Variants in NGLY1 observed in about 807,000 individuals in gnomAD.
NGLY1 encodes peptide-N(4)-(N-acetyl-beta-glucosaminyl)asparagine amidase.
NGLY1 carries 68 observed loss-of-function variants against 84.6 expected under a neutral mutation model. The ratio of observed to expected loss-of-function variants is 0.80; its 90% CI spans 0.66 to 0.98. The LOEUF (loss-of-function observed/expected upper bound fraction) is 0.98, where lower values mean the gene tolerates loss of function less well. NGLY1 is among the 50% of genes least tolerant of loss of function. The probability of loss-of-function intolerance (pLI) is 0.00; values close to 1 mark genes in which losing one functional copy is unlikely to be tolerated. For synonymous variants in NGLY1, 280 were observed against 275.2 expected (o/e 1.02, Z -0.17); for missense variants, 779 against 770.2 (o/e 1.01, Z -0.14).
chr3:25,721,702 C>G (rs1335748671), intron 10 of NGLY1, among the ~76,000 whole-genome samples: 4 of 125,370 alleles, frequency 3.2e-5, no homozygotes, highest in Non-Finnish European at 4.7e-5. Flanking sequence ...TGAGCCGAGA[C>G]TGCGCCATTG....
chr3:25,764,131 T>C lies in NGLY1; in HGVS notation c.427A>G (p.Ser143Gly). The C allele has an allele frequency of 1.2e-6, 2 of 1,614,188 alleles. No individual in the cohort carries two copies. Among genetic ancestry groups the C allele is most frequent in the Non-Finnish European group, 1.7e-6 (2 of 1,180,024 alleles). The part of the protein sequence containing the change: ...QLPTTPSSNP[S>G]GLNQHTRNRQ... ...TTCCTTGTGTGCTGGTTTAACCCAC[T>C]GGGATTTGAAGATGGTGTTGTAGGA... Residue 143 changes from serine to glycine, a missense_variant, in exon 3 of 12, where the codon AGT becomes GGT. Physicochemically the swap from Ser to Gly is moderately conservative, Grantham distance 56. Transcript: ENST00000280700.
intron 3 of NGLY1, among the ~76,000 whole-genome samples, chr3:25,752,605 C>G (rs1182595479): frequency 6.7e-6 from 1 of 150,312 alleles, no homozygotes; most frequent in African/African-American, 2.5e-5. Context: ...GTAGGGAGTT[C>G]TAGGCCAACC....
chr3:25,729,494 A>G (rs545333444), intron 9 of NGLY1, 176 bp from the exon 10 acceptor site: 82 of 373,164 alleles, frequency 2.2e-4, no homozygotes, highest in African/African-American at 1.4e-3. Flanking sequence ...TGATGTTATT[A>G]TAACTCTAAA....
At chr3:25,749,099 C>T (rs6789850) in intron 4 of NGLY1, among the ~76,000 whole-genome samples, 110,955 of 152,048 alleles carry the variant, frequency 0.73, 42,675 homozygotes, top group East Asian at 0.94. Flanking sequence ...AAATAATAAG[C>T]GTTGGTAAAA....
upstream of NGLY1, among the ~76,000 whole-genome samples, chr3:25,785,177 C>G (rs1023121888): frequency 6.8e-6 from 1 of 146,476 alleles, no homozygotes; most frequent in African/African-American, 2.5e-5. Context: ...CTACTTTTAA[C>G]CACATGAGCC....
intron 3 of NGLY1, among the ~76,000 whole-genome samples, chr3:25,760,856 G>T (rs1707287567): frequency 2.2e-5 from 1 of 45,834 alleles, no homozygotes; most frequent in East Asian, 8.0e-4. Flanking sequence ...GTGAAACTCT[G>T]TCTCAAAAAA....
upstream of NGLY1, among the ~76,000 whole-genome samples, chr3:25,784,988 T>A (rs1559564799): frequency 6.6e-6 from 1 of 152,072 alleles, no homozygotes. Context: ...GGCCACATAG[T>A]GTTTTAGGCT....
intron 3 of NGLY1, among the ~76,000 whole-genome samples, chr3:25,759,343 C>G (rs185461844): frequency 6.6e-6 from 1 of 151,760 alleles, no homozygotes; most frequent in Non-Finnish European, 1.5e-5. Context: ...AGAAATGTCT[C>G]CATTTTTATT....
chr3:25,743,461 G>A (rs1417196024), intron 4 of NGLY1, among the ~76,000 whole-genome samples: 1 of 152,036 alleles, frequency 6.6e-6, no homozygotes, highest in Non-Finnish European at 1.5e-5. Flanking sequence ...TACCTAAAAG[G>A]GAAATCATTG....
At chr3:25,745,522 T>C (rs1354059765) in intron 4 of NGLY1, among the ~76,000 whole-genome samples, 2 of 152,228 alleles carry the variant, frequency 1.3e-5, no homozygotes, top group Non-Finnish European at 2.9e-5. Context: ...ACTCCTTTAA[T>C]TTCCTAGTTG....
At chr3:25,763,969 G>A in intron 3 of NGLY1, 97 bp downstream of exon 3, 1 of 1,442,866 alleles carries the variant, frequency 6.9e-7, no homozygotes, top group Non-Finnish European at 9.4e-7. Flanking sequence ...CAAAATATGG[G>A]GCATAAATTC....
rs552847794 is a variant in NGLY1 at position 25,729,420 on chromosome 3, A to G, written c.1426-102T>C. The stretch of plus-strand genomic sequence containing the variant: ...GTGGTAAGAGAATCCTTCAAAATTG[A>G]AAAGAAAAAATTAGTGCCATTGGAA... On this transcript the variant is annotated intron_variant, in intron 9 of 11. Coordinates refer to ENST00000280700, the MANE Select transcript of NGLY1 (RefSeq NM_018297.4). 15 of 681,104 alleles carry G rather than the reference A, an allele frequency of 2.2e-5. No homozygotes were observed. The South Asian group carries it at 7.8e-4, about 35-fold the overall frequency. The allele number at this position is 681,104 out of a possible 1,614,324, so 42.2% of individuals were successfully genotyped here. A position where few individuals can be genotyped will look rare whatever the true frequency, so the allele number is the denominator to read the frequency against.
chr3:25,742,304 G>C (rs945186283), intron 4 of NGLY1, among the ~76,000 whole-genome samples: 1 of 152,132 alleles, frequency 6.6e-6, no homozygotes, highest in Admixed American at 6.6e-5. Flanking sequence ...AGAGAAAATG[G>C]AAACAACCTC....
chr3:25,755,908 T>G (rs1017122687), intron 3 of NGLY1, among the ~76,000 whole-genome samples: 7 of 152,230 alleles, frequency 4.6e-5, no homozygotes, highest in Admixed American at 2.6e-4. Flanking sequence ...AGTCCTTATA[T>G]GGCAATTCTG....
chr3:25,779,148 G>T (rs900516765), intron 1 of NGLY1, among the ~76,000 whole-genome samples: 3 of 151,822 alleles, frequency 2.0e-5, no homozygotes, highest in Non-Finnish European at 2.9e-5. Flanking sequence ...TGTCGACCAG[G>T]CTGGTCTCGA....
At position 25,722,814 on chromosome 3, in the gene NGLY1, A is replaced by G. The variant is rs562901033; in HGVS notation, c.1612-2623T>C. 2.0e-5 allele frequency among the ~76,000 whole-genome samples: 3 copies of G among 152,294 alleles called. No homozygotes were observed. In the South Asian group the frequency reaches 6.2e-4, roughly 32 times the overall value. The stretch of plus-strand genomic sequence containing the variant: ...CCACCAGTGTTCCCCGGGAGTCATT[A>G]GTTTCACCCATCCTAAACTATTAGG... On this transcript the variant is annotated intron_variant, in intron 10 of 11. Coordinates refer to ENST00000280700, the MANE Select transcript of NGLY1 (RefSeq NM_018297.4).
chr3:25,751,471 T>C (rs1575635477), intron 3 of NGLY1, among the ~76,000 whole-genome samples: 1 of 152,342 alleles, frequency 6.6e-6, no homozygotes, highest in East Asian at 1.9e-4. Flanking sequence ...TCTATTTTTT[T>C]CCTTTTGTAT....
In NGLY1 at chr3:25,755,268, C is replaced by A. The variant is rs1271380233; in HGVS notation, c.493-4005G>T. 14 of 1,377,282 alleles carry A rather than the reference C, an allele frequency of 1.0e-5. No homozygotes were observed. In the Admixed American group the frequency reaches 1.3e-4, roughly 13 times the overall value. The allele number at this position is 1,377,282 out of a possible 1,614,324, so 85.3% of individuals were successfully genotyped here. ...AAGCCATATGCAGGACCTAGACTCCCACCTGATAGATACTGCTTAACAGCT... is the reference window on the plus strand; with the variant it reads ...AAGCCATATGCAGGACCTAGACTCCAACCTGATAGATACTGCTTAACAGCT... On this transcript the variant is annotated intron_variant, in intron 3 of 11. Transcript: ENST00000280700.
intron 3 of NGLY1, among the ~76,000 whole-genome samples, chr3:25,757,671 GACTGAGTCAT>G (rs1314254225): frequency 2.0e-5 from 3 of 152,176 alleles, no homozygotes; most frequent in Admixed American, 6.5e-5. Flanking sequence ...ATTTGCAAGA[GACTGAGTCAT>G]ACAAGTGATG....
Sources: gnomAD v4.1 joint callset for allele counts (sites outside exome capture counted in the v4.1 genomes callset) on GRCh38, gnomAD v4.1.1 for gene constraint, MANE v1.5 for transcripts, NCBI Gene and HGNC (gene_info 2026-07-23, HGNC 2026-07-21) for gene names.